The following CFAP299 variants were observed in gnomAD, a reference collection of about 807,000 sequenced individuals.
The protein encoded by CFAP299 is cilia and flagella associated protein 299.
Under a neutral mutation model 27.0 loss-of-function variants are expected in CFAP299, and 21 were observed. The ratio of observed to expected loss-of-function variants is 0.78; its 90% CI spans 0.55 to 1.12. The LOEUF is 1.12. Ranked by LOEUF, CFAP299 falls within the 50% of genes most tolerant of loss-of-function variation. CFAP299 has a pLI of 0.00. For synonymous variants in CFAP299, 104 were observed against 98.1 expected (o/e 1.06, Z -0.36); for missense variants, 310 against 276.6 (o/e 1.12, Z -0.86).
intron 4 of CFAP299, among the ~76,000 whole-genome samples, chr4:80,887,799 G>A (rs1734045907): frequency 6.6e-6 from 1 of 151,988 alleles, no homozygotes; most frequent in Non-Finnish European, 1.5e-5. Flanking sequence ...TAAGACATAA[G>A]GAGAAATAGA....
At chr4:80,406,521 C>G (rs1282541930) in intron 2 of CFAP299, among the ~76,000 whole-genome samples, 1 of 152,112 alleles carries the variant, frequency 6.6e-6, no homozygotes, top group South Asian at 2.1e-4. Flanking sequence ...CATGCCACCA[C>G]ACCCAGCTCA....
intron 2 of CFAP299, among the ~76,000 whole-genome samples, chr4:80,558,963 T>C (rs1402828941): frequency 6.6e-6 from 1 of 152,162 alleles, no homozygotes; most frequent in Non-Finnish European, 1.5e-5. Flanking sequence ...TCTATTTTGG[T>C]TATTTATTGC....
At chr4:80,596,900 G>A (rs1365665246) in intron 3 of CFAP299, among the ~76,000 whole-genome samples, 2 of 152,112 alleles carry the variant, frequency 1.3e-5, no homozygotes, top group Admixed American at 6.6e-5. Flanking sequence ...ATGTTGTCGT[G>A]TGCAGTTGTG....
chr4:80,442,492 A>C (rs1728406202), intron 2 of CFAP299, among the ~76,000 whole-genome samples: 1 of 152,208 alleles, frequency 6.6e-6, no homozygotes, highest in African/African-American at 2.4e-5. Flanking sequence ...GAAATAAATA[A>C]GTTCTTTGAA....
At chr4:80,845,045 G>C (rs981427085) in intron 3 of CFAP299, among the ~76,000 whole-genome samples, 6 of 152,110 alleles carry the variant, frequency 3.9e-5, no homozygotes, top group Non-Finnish European at 5.9e-5. Flanking sequence ...TCTCAGGTTT[G>C]TCAAAGATCA....
At chr4:80,410,690 T>C (rs1726676057) in intron 2 of CFAP299, among the ~76,000 whole-genome samples, 1 of 152,234 alleles carries the variant, frequency 6.6e-6, no homozygotes, top group African/African-American at 2.4e-5. Flanking sequence ...TAATGTTATA[T>C]TGAAGATGAA....
intron 2 of CFAP299, among the ~76,000 whole-genome samples, chr4:80,453,723 C>G (rs1421355973): frequency 6.6e-6 from 1 of 151,380 alleles, no homozygotes; most frequent in African/African-American, 2.4e-5. Flanking sequence ...TGCCTGTAAT[C>G]TCAGCTACTC....
At chr4:80,960,349 C>A (rs1738284940) in intron 5 of CFAP299, among the ~76,000 whole-genome samples, 1 of 151,848 alleles carries the variant, frequency 6.6e-6, no homozygotes. Flanking sequence ...TATTAATCCT[C>A]AAATGTTATT....
chr4:80,465,707 C>T (rs7656243), intron 2 of CFAP299, among the ~76,000 whole-genome samples: 61,457 of 152,076 alleles, frequency 0.4, 14,329 homozygotes, highest in African/African-American at 0.64. Flanking sequence ...GAATGACATA[C>T]AATAAAAAAC....
intron 3 of CFAP299, among the ~76,000 whole-genome samples, chr4:80,640,905 AT>A (rs1207762973): frequency 6.6e-6 from 1 of 152,182 alleles, no homozygotes. Context: ...AATATTTTAC[AT>A]TTCAGTGTAC....
intron 1 of CFAP299, among the ~76,000 whole-genome samples, chr4:80,356,119 T>TG (rs553116326): frequency 1.4e-5 from 2 of 143,556 alleles, no homozygotes; most frequent in Non-Finnish European, 3.1e-5. Flanking sequence ...TTTTTTTTTT[T>TG]GTCAGATTTA....
At chr4:80,388,090 C>A (rs1725117219) in intron 2 of CFAP299, 1 of 693,010 alleles carries the variant, frequency 1.4e-6, no homozygotes, top group Non-Finnish European at 2.6e-6. Context: ...CAGCACTGTA[C>A]ACCTTCACCA....
At chr4:80,364,568 C>A (rs1433395217) in intron 2 of CFAP299, among the ~76,000 whole-genome samples, 1 of 152,146 alleles carries the variant, frequency 6.6e-6, no homozygotes, top group Non-Finnish European at 1.5e-5. Flanking sequence ...TTTATTATAT[C>A]ATCAGCAAAG....
chr4:80,753,151 T>A (rs1725030884), intron 3 of CFAP299, among the ~76,000 whole-genome samples: 1 of 152,248 alleles, frequency 6.6e-6, no homozygotes, highest in Admixed American at 6.5e-5. Context: ...TAAGAACTTT[T>A]AAAAATATTT....
chr4:80,717,580 A>T (rs1186280451), intron 3 of CFAP299, among the ~76,000 whole-genome samples: 1 of 152,098 alleles, frequency 6.6e-6, no homozygotes. Context: ...TAAGTTATTT[A>T]TGTCTCAGGA....
At chr4:80,911,894 A>G (rs924222920) in intron 4 of CFAP299, among the ~76,000 whole-genome samples, 1 of 152,236 alleles carries the variant, frequency 6.6e-6, no homozygotes, top group African/African-American at 2.4e-5. Flanking sequence ...TTGACACTAT[A>G]ACACACTTAG....
At chr4:80,663,797 G>A (rs547304792) in intron 3 of CFAP299, among the ~76,000 whole-genome samples, 46 of 152,222 alleles carry the variant, frequency 3.0e-4, no homozygotes, top group South Asian at 1.0e-3. Flanking sequence ...TCCAGCATCC[G>A]TTGTTTACTG....
intron 3 of CFAP299, among the ~76,000 whole-genome samples, chr4:80,754,032 T>A (rs1725088473): frequency 6.6e-6 from 1 of 152,128 alleles, no homozygotes; most frequent in African/African-American, 2.4e-5. Flanking sequence ...AGTCCATGAG[T>A]TTTTTTCCTT....
chr4:80,882,914 A>G (rs1733782703), intron 4 of CFAP299, among the ~76,000 whole-genome samples: 1 of 152,170 alleles, frequency 6.6e-6, no homozygotes, highest in African/African-American at 2.4e-5. Context: ...GCTAAAGGGA[A>G]TTCTTCAAGA....
Sources: gnomAD v4.1 joint callset for allele counts (sites outside exome capture counted in the v4.1 genomes callset) on GRCh38, gnomAD v4.1.1 for gene constraint, MANE v1.5 for transcripts, NCBI Gene and HGNC (gene_info 2026-07-23, HGNC 2026-07-21) for gene names.